ADAMTSL1: variants seen among roughly 807,000 people sequenced by gnomAD.
The protein encoded by ADAMTSL1 is ADAMTS-like protein 1.
A neutral mutation model predicts 201.8 loss-of-function variants in ADAMTSL1; 126 were observed. The observed-to-expected ratio is 0.62, with a 90% confidence interval of 0.54 to 0.72. The LOEUF (loss-of-function observed/expected upper bound fraction) is 0.72, where lower values mean the gene tolerates loss of function less well. Among genes scored for constraint, ADAMTSL1 ranks in the 30% least tolerant of loss-of-function variants. ADAMTSL1 has a pLI of 0.00. For synonymous variants in ADAMTSL1, 1,121 were observed against 903.4 expected (o/e 1.24, Z -4.32); for missense variants, 2,679 against 2,277.8 (o/e 1.18, Z -3.59).
intron 11 of ADAMTSL1, 85 bp from the exon 12 acceptor site, chr9:18,681,727 T>G (rs1830503735): frequency 2.0e-6 from 2 of 1,014,132 alleles, no homozygotes; most frequent in African/African-American, 2.1e-5. Context: ...AAAGAAAACT[T>G]AGATTAAAAG....
chr9:18,822,599 ACT>A (rs1824278154), intron 21 of ADAMTSL1, among the ~76,000 whole-genome samples: 1 of 151,966 alleles, frequency 6.6e-6, no homozygotes, highest in Non-Finnish European at 1.5e-5. Context: ...GGGAACAGAA[ACT>A]CTTTTCTGAT....
At chr9:18,240,270 C>G (rs1231340621) in intron 2 of ADAMTSL1, among the ~76,000 whole-genome samples, 1 of 152,132 alleles carries the variant, frequency 6.6e-6, no homozygotes, top group Non-Finnish European at 1.5e-5. Flanking sequence ...ACTCTTATCT[C>G]CTTACATCTC....
intron 1 of ADAMTSL1, among the ~76,000 whole-genome samples, chr9:18,059,062 T>A (rs1161923743): frequency 3.2e-4 from 49 of 152,354 alleles, no homozygotes; most frequent in Non-Finnish European, 1.0e-4. Flanking sequence ...GTTACTTTGG[T>A]CCTATCCAGT....
chr9:18,562,119 A>G (rs1272522788), intron 3 of ADAMTSL1, among the ~76,000 whole-genome samples: 1 of 152,168 alleles, frequency 6.6e-6, no homozygotes, highest in African/African-American at 2.4e-5. Flanking sequence ...CATAGTGTCA[A>G]TGGTGTTCAC....
intron 2 of ADAMTSL1, among the ~76,000 whole-genome samples, chr9:18,287,474 T>C (rs1452196731): frequency 1.3e-5 from 2 of 151,730 alleles, no homozygotes; most frequent in Non-Finnish European, 2.9e-5. Flanking sequence ...TGTAAATGTA[T>C]GTTCAGATAT....
At chr9:18,815,734 A>AAG (rs1823805634) in intron 20 of ADAMTSL1, among the ~76,000 whole-genome samples, 1 of 148,886 alleles carries the variant, frequency 6.7e-6, no homozygotes, top group East Asian at 1.9e-4. Context: ...AAAAAAAAAA[A>AAG]AGAGAAAAAA....
intron 2 of ADAMTSL1, among the ~76,000 whole-genome samples, chr9:18,291,745 TCTCACACACACA>T (rs1204422618): frequency 9.0e-6 from 1 of 111,040 alleles, no homozygotes; most frequent in South Asian, 3.2e-4. Context: ...TCTCTCTCTC[TCTCACACACACA>T]CACACACACA....
chr9:17,970,756 A>C (rs1020175539), intron 1 of ADAMTSL1, among the ~76,000 whole-genome samples: 1 of 151,904 alleles, frequency 6.6e-6, no homozygotes. Context: ...CTCCATTGAC[A>C]CTGTGTGCTT....
chr9:18,345,886 A>C (rs1835691231), intron 2 of ADAMTSL1, among the ~76,000 whole-genome samples: 1 of 151,756 alleles, frequency 6.6e-6, no homozygotes, highest in Non-Finnish European at 1.5e-5. Context: ...CAAATCAATG[A>C]TGAGGAATTG....
intron 2 of ADAMTSL1, among the ~76,000 whole-genome samples, chr9:18,310,471 C>G (rs1284583440): frequency 7.0e-6 from 1 of 143,854 alleles, no homozygotes; most frequent in Non-Finnish European, 1.5e-5. Context: ...TAACAAAGGA[C>G]TAATATCCAG....
intron 1 of ADAMTSL1, among the ~76,000 whole-genome samples, chr9:18,480,928 G>C (rs1314982182): frequency 6.6e-6 from 1 of 152,142 alleles, no homozygotes; most frequent in Non-Finnish European, 1.5e-5. Context: ...AGGCTGTGGT[G>C]AAACAGTTGA....
At chr9:18,455,173 T>G (rs1820554501) in intron 2 of ADAMTSL1, among the ~76,000 whole-genome samples, 1 of 152,196 alleles carries the variant, frequency 6.6e-6, no homozygotes, top group Admixed American at 6.5e-5. Context: ...TATGAGAAAT[T>G]TAATATGGAA....
intron 23 of ADAMTSL1, among the ~76,000 whole-genome samples, chr9:18,831,123 A>G (rs973597972): frequency 1.3e-5 from 2 of 152,226 alleles, no homozygotes; most frequent in Non-Finnish European, 2.9e-5. Flanking sequence ...AAGAATCTTC[A>G]CAGCTTATCA....
chr9:18,292,870 T>A (rs1833328905), intron 2 of ADAMTSL1, among the ~76,000 whole-genome samples: 1 of 152,188 alleles, frequency 6.6e-6, no homozygotes, highest in African/African-American at 2.4e-5. Context: ...TATCATGGGA[T>A]TACCTTGTGA....
At chr9:18,700,759 A>G (rs912168377) in intron 13 of ADAMTSL1, among the ~76,000 whole-genome samples, 1 of 152,190 alleles carries the variant, frequency 6.6e-6, no homozygotes, top group African/African-American at 2.4e-5. Flanking sequence ...TACTTATGAC[A>G]TATTTTCTTT....
In ADAMTSL1 at chr9:18,777,166, G is replaced by A. The variant is rs562701410; in HGVS notation, c.2937G>A (p.Glu979=). 6 of 1,612,940 alleles carry A rather than the reference G, an allele frequency of 3.7e-6. No individual in the cohort carries two copies. The change falls in exon 19 of 29, where the codon GAG becomes GAA. Residue 979 remains glutamate, a synonymous_variant. Transcript: ENST00000380548. ...CCTTGAGCCCGAGAAGTGAGGAAGA[G>A]GTGCTTGCGGGGAGGAAGGGCGGCC... The part of the protein sequence containing the change: ...ARPLSPRSEE[E]VLAGRKGGPK...
At chr9:18,104,923 A>C (rs1193001379) in intron 1 of ADAMTSL1, among the ~76,000 whole-genome samples, 3 of 152,184 alleles carry the variant, frequency 2.0e-5, no homozygotes, top group Admixed American at 2.0e-4. Context: ...ACTGGAGCAA[A>C]GTAAAATAAA....
intron 10 of ADAMTSL1, among the ~76,000 whole-genome samples, chr9:18,676,255 C>A (rs1257711537): frequency 6.6e-6 from 1 of 152,042 alleles, no homozygotes; most frequent in African/African-American, 2.4e-5. Context: ...CATTAAAGCA[C>A]TGTTGCTAAC....
intron 1 of ADAMTSL1, among the ~76,000 whole-genome samples, chr9:17,962,074 C>A (rs754387267): frequency 3.9e-5 from 6 of 152,186 alleles, no homozygotes; most frequent in Non-Finnish European, 8.8e-5. Flanking sequence ...GGTTGAACAA[C>A]ATAGCTAGAG....
Sources: gnomAD v4.1 joint callset for allele counts (sites outside exome capture counted in the v4.1 genomes callset) on GRCh38, gnomAD v4.1.1 for gene constraint, MANE v1.5 for transcripts, NCBI Gene and HGNC (gene_info 2026-07-23, HGNC 2026-07-21) for gene names.